The following MACROD2 variants were observed in gnomAD, a reference collection of about 807,000 sequenced individuals.
MACROD2 encodes the protein mono-ADP ribosylhydrolase 2.
MACROD2 carries 36 observed loss-of-function variants against 70.4 expected under a neutral mutation model. That is an observed-to-expected ratio of 0.51 (90% CI 0.39 to 0.68). MACROD2 has a LOEUF of 0.68. Among genes scored for constraint, MACROD2 ranks in the 30% least tolerant of loss-of-function variants. The pLI is 0.00. For missense variants in MACROD2, 496 were observed against 538.4 expected (o/e 0.92, Z 0.78); for synonymous variants, 172 against 178.8 (o/e 0.96, Z 0.30).
At chr20:14,833,532 A>C (rs534660829) in intron 5 of MACROD2, among the ~76,000 whole-genome samples, 6 of 152,298 alleles carry the variant, frequency 3.9e-5, no homozygotes, top group African/African-American at 1.4e-4. Flanking sequence ...CAAAGTTCAC[A>C]TCATAAGAAA....
chr20:15,788,266 G>C (rs1600892985), intron 8 of MACROD2, among the ~76,000 whole-genome samples: 1 of 152,268 alleles, frequency 6.6e-6, no homozygotes, highest in South Asian at 2.1e-4. Context: ...CCGTTGCTGA[G>C]ATTATTAGAG....
chr20:14,568,364 T>C (rs1979947087), intron 4 of MACROD2, among the ~76,000 whole-genome samples: 1 of 152,002 alleles, frequency 6.6e-6, no homozygotes, highest in Admixed American at 6.6e-5. Flanking sequence ...GACATGGCAA[T>C]TTGTCGCCTT....
chr20:14,891,485 T>C (rs1452041585), intron 5 of MACROD2, among the ~76,000 whole-genome samples: 1 of 152,198 alleles, frequency 6.6e-6, no homozygotes, highest in Non-Finnish European at 1.5e-5. Context: ...AATAAATTCT[T>C]GGAAGATAAC....
At chr20:14,954,125 G>A (rs2074498414) in intron 5 of MACROD2, among the ~76,000 whole-genome samples, 1 of 152,020 alleles carries the variant, frequency 6.6e-6, no homozygotes, top group African/African-American at 2.4e-5. Flanking sequence ...GTTAAAACAA[G>A]TTTATAATAA....
intron 5 of MACROD2, among the ~76,000 whole-genome samples, chr20:15,195,436 C>T (rs2076599420): frequency 6.6e-6 from 1 of 152,016 alleles, no homozygotes; most frequent in Non-Finnish European, 1.5e-5. Context: ...TGAACAGACA[C>T]CTCTCAAAAG....
chr20:15,519,055 T>C lies in MACROD2; in HGVS notation c.645+19208T>C, dbSNP rs117090346. Among the ~76,000 whole-genome samples the C allele has an allele frequency of 4.8e-4, 56 of 116,424 alleles. 1 individual carries two copies. In the East Asian group the frequency reaches 0.014, roughly 29 times the overall value. 76.4% of individuals were successfully genotyped at this position (116,424 alleles called of 152,430 possible). On this transcript the variant is annotated intron_variant, in intron 8 of 17. Coordinates refer to ENST00000684519, the MANE Select transcript of MACROD2 (RefSeq NM_001351661.2). The stretch of plus-strand genomic sequence containing the variant: ...TGAAGTAGGAACTGTTAACTCGCTC[T>C]TTCCTTCCTTCCTTCCTTCCTTCCT...
chr20:15,193,597 C>A (rs2076585975), intron 5 of MACROD2, among the ~76,000 whole-genome samples: 1 of 152,032 alleles, frequency 6.6e-6, no homozygotes, highest in South Asian at 2.1e-4. Context: ...GCAGTGAGCC[C>A]TATCACTGCA....
At chr20:14,312,771 C>T (rs1027848358) in intron 3 of MACROD2, among the ~76,000 whole-genome samples, 2 of 152,266 alleles carry the variant, frequency 1.3e-5, no homozygotes, top group Admixed American at 6.5e-5. Flanking sequence ...AGTGGGATTA[C>T]GAAAGGCAAA....
At chr20:14,496,714 A>C (rs968583932) in intron 4 of MACROD2, among the ~76,000 whole-genome samples, 1 of 148,618 alleles carries the variant, frequency 6.7e-6, no homozygotes, top group African/African-American at 2.6e-5. Flanking sequence ...TGCTTGGTAA[A>C]ATTGATCACT....
chr20:15,832,208 C>T (rs1042630401), intron 8 of MACROD2, among the ~76,000 whole-genome samples: 1 of 152,106 alleles, frequency 6.6e-6, no homozygotes, highest in Non-Finnish European at 1.5e-5. Context: ...TTATGTGTCT[C>T]TCTGCGTGTG....
intron 10 of MACROD2, among the ~76,000 whole-genome samples, chr20:15,928,706 A>G (rs1353489127): frequency 6.6e-6 from 1 of 152,254 alleles, no homozygotes; most frequent in African/African-American, 2.4e-5. Flanking sequence ...CATATGCAAT[A>G]TTCAATAAGT....
At chr20:15,854,671 T>G (rs2064337861) in intron 8 of MACROD2, among the ~76,000 whole-genome samples, 1 of 152,192 alleles carries the variant, frequency 6.6e-6, no homozygotes, top group Non-Finnish European at 1.5e-5. Flanking sequence ...AAGAGCAGAT[T>G]GCTCTCTTTT....
chr20:15,778,125 A>AT (rs1326517588), intron 8 of MACROD2, among the ~76,000 whole-genome samples: 2 of 152,196 alleles, frequency 1.3e-5, no homozygotes, highest in Non-Finnish European at 2.9e-5. Flanking sequence ...AGAGAAAAGG[A>AT]TAAAAACCCT....
chr20:14,811,979 G>A (rs185684097), intron 5 of MACROD2, among the ~76,000 whole-genome samples: 1 of 152,240 alleles, frequency 6.6e-6, no homozygotes, highest in Admixed American at 6.5e-5. Context: ...ACTGTTCGTG[G>A]GAGTGTAAGT....
At chr20:14,650,217 A>G (rs912551969) in intron 4 of MACROD2, among the ~76,000 whole-genome samples, 9 of 152,162 alleles carry the variant, frequency 5.9e-5, no homozygotes, top group African/African-American at 1.9e-4. Context: ...CTTGTAAAGA[A>G]TGAGTTAGGT....
intron 5 of MACROD2, among the ~76,000 whole-genome samples, chr20:14,889,225 C>T (rs1462999162): frequency 6.6e-6 from 1 of 152,086 alleles, no homozygotes; most frequent in Non-Finnish European, 1.5e-5. Flanking sequence ...TCAGTGTATA[C>T]TACTGGCCAA....
chr20:15,435,414 T>G (rs1457652034), intron 7 of MACROD2, among the ~76,000 whole-genome samples: 1 of 152,138 alleles, frequency 6.6e-6, no homozygotes, highest in Admixed American at 6.5e-5. Context: ...AAAGAATTGT[T>G]AGATCATATT....
At chr20:15,878,363 C>G (rs1189304365) in intron 9 of MACROD2, among the ~76,000 whole-genome samples, 2 of 152,106 alleles carry the variant, frequency 1.3e-5, no homozygotes, top group South Asian at 2.1e-4. Flanking sequence ...CAGTGGCTCT[C>G]AAACTTCAGT....
At chr20:14,806,661 C>A (rs1201646573) in intron 5 of MACROD2, among the ~76,000 whole-genome samples, 1 of 152,108 alleles carries the variant, frequency 6.6e-6, no homozygotes, top group South Asian at 2.1e-4. Context: ...ATCCCACCCC[C>A]ACGGAGACCA....
Sources: gnomAD v4.1 joint callset for allele counts (sites outside exome capture counted in the v4.1 genomes callset) on GRCh38, gnomAD v4.1.1 for gene constraint, MANE v1.5 for transcripts, NCBI Gene and HGNC (gene_info 2026-07-23, HGNC 2026-07-21) for gene names.